The following ATRNL1 variants were observed in gnomAD, a reference collection of about 807,000 sequenced individuals.
The protein encoded by ATRNL1 is attractin-like protein 1.
Under a neutral mutation model 182.7 loss-of-function variants are expected in ATRNL1, and 95 were observed. The observed-to-expected ratio is 0.52, with a 90% CI of 0.44 to 0.62. The LOEUF is 0.62. ATRNL1 is among the 20% of genes least tolerant of loss of function. ATRNL1 has a pLI of 0.00. For missense variants in ATRNL1, 1,471 were observed against 1,679.5 expected, an observed-to-expected ratio of 0.88 and a Z score of 2.17; for synonymous variants, 576 against 568.3, an observed-to-expected ratio of 1.01 and a Z score of -0.19.
At chr10:115,467,667 A>C (rs763538573) in intron 23 of ATRNL1, among the ~76,000 whole-genome samples, 1 of 150,768 alleles carries the variant, frequency 6.6e-6, no homozygotes. Context: ...TACAGTAAAC[A>C]TCTATTATTG....
At chr10:115,357,436 G>GT (rs1856552403) in intron 19 of ATRNL1, among the ~76,000 whole-genome samples, 1 of 151,824 alleles carries the variant, frequency 6.6e-6, no homozygotes, top group Non-Finnish European at 1.5e-5. Flanking sequence ...ATACTAATTA[G>GT]TGATGGTGGA....
intron 20 of ATRNL1, among the ~76,000 whole-genome samples, chr10:115,409,626 G>C (rs1379903007): frequency 6.6e-6 from 1 of 151,914 alleles, no homozygotes; most frequent in Non-Finnish European, 1.5e-5. Flanking sequence ...TGGTGAGAGT[G>C]GTAATTTTTG....
At chr10:115,494,802 T>C (rs1203415018) in intron 24 of ATRNL1, among the ~76,000 whole-genome samples, 2 of 152,212 alleles carry the variant, frequency 1.3e-5, no homozygotes, top group African/African-American at 4.8e-5. Context: ...TGAAGTTTCC[T>C]TTTTTCATTG....
At chr10:115,457,765 G>A (rs1847599013) in intron 21 of ATRNL1, among the ~76,000 whole-genome samples, 3 of 151,884 alleles carry the variant, frequency 2.0e-5, no homozygotes, top group Admixed American at 2.0e-4. Context: ...TGTATATTCA[G>A]TCTTTATGTT....
At chr10:115,411,482 C>A (rs1845138518) in intron 20 of ATRNL1, among the ~76,000 whole-genome samples, 1 of 151,778 alleles carries the variant, frequency 6.6e-6, no homozygotes, top group Non-Finnish European at 1.5e-5. Context: ...ATCTGTTTTC[C>A]ATGAAAGTCC....
intron 25 of ATRNL1, among the ~76,000 whole-genome samples, chr10:115,528,509 C>G (rs1484821201): frequency 6.6e-6 from 1 of 151,420 alleles, no homozygotes; most frequent in Non-Finnish European, 1.5e-5. Flanking sequence ...TTTCAGTTTT[C>G]TTTCTCTTTT....
chr10:115,231,900 C>T (rs1450455099), intron 9 of ATRNL1, among the ~76,000 whole-genome samples: 3 of 152,028 alleles, frequency 2.0e-5, no homozygotes, highest in African/African-American at 7.2e-5. Flanking sequence ...AGTATGAAAT[C>T]ATTTAGGAGG....
chr10:115,606,462 G>T (rs1216233534), intron 26 of ATRNL1, among the ~76,000 whole-genome samples: 3 of 151,972 alleles, frequency 2.0e-5, no homozygotes, highest in African/African-American at 7.2e-5. Flanking sequence ...TCCATTAAGA[G>T]CAAATGTTTA....
At chr10:115,632,820 A>T (rs1181414536) in intron 26 of ATRNL1, among the ~76,000 whole-genome samples, 1 of 150,198 alleles carries the variant, frequency 6.7e-6, no homozygotes, top group Non-Finnish European at 1.5e-5. Flanking sequence ...ACTTTAAAAA[A>T]TGAGTCAATA....
intron 28 of ATRNL1, among the ~76,000 whole-genome samples, chr10:115,868,001 C>T (rs1193914013): frequency 6.6e-6 from 1 of 152,046 alleles, no homozygotes. Context: ...TGGCCTCAAG[C>T]TATCCATCTG....
At chr10:115,894,942 G>A (rs1410009796) in intron 28 of ATRNL1, among the ~76,000 whole-genome samples, 1 of 152,114 alleles carries the variant, frequency 6.6e-6, no homozygotes, top group African/African-American at 2.4e-5. Flanking sequence ...TGTAACTGTG[G>A]TTTCACTCAC....
At chr10:115,308,968 C>CA (rs1554927042) in intron 17 of ATRNL1, among the ~76,000 whole-genome samples, 1 of 152,108 alleles carries the variant, frequency 6.6e-6, no homozygotes, top group African/African-American at 2.4e-5. Context: ...CATTCTTCTA[C>CA]ATATGTTGAT....
chr10:115,820,673 C>T (rs1416659633), intron 27 of ATRNL1, among the ~76,000 whole-genome samples: 13 of 152,062 alleles, frequency 8.5e-5, no homozygotes, highest in Admixed American at 8.5e-4. Context: ...CTAGAGCACC[C>T]CTTCAGATCC....
intron 19 of ATRNL1, among the ~76,000 whole-genome samples, chr10:115,384,922 G>T (rs116217329): frequency 0.012 from 1,767 of 150,496 alleles, 33 homozygotes; most frequent in African/African-American, 0.04. Flanking sequence ...ATCACACCTG[G>T]TTTTTTTCTA....
At chr10:115,153,362 T>C (rs1478742347) in intron 5 of ATRNL1, among the ~76,000 whole-genome samples, 1 of 152,166 alleles carries the variant, frequency 6.6e-6, no homozygotes, top group East Asian at 1.9e-4. Context: ...ATTTTTTGGT[T>C]GGTAAGCTAT....
chr10:115,830,416 A>G (rs769817510), intron 27 of ATRNL1, among the ~76,000 whole-genome samples: 2 of 152,142 alleles, frequency 1.3e-5, no homozygotes, highest in Non-Finnish European at 2.9e-5. Flanking sequence ...TGGCTACAGT[A>G]TCTTGCACAT....
In ATRNL1 at chr10:115,864,974, T is replaced by G. The variant is rs547214228; in HGVS notation, c.4018+16983T>G. On this transcript the variant is annotated intron_variant, in intron 28 of 28. Transcript: ENST00000355044. ...TCCAGCCTGGGCGACAGAGCGAGAC[T>G]CCGTCTAAAAAAAAAAAAAAAAGAA... 3.3e-4 allele frequency among the ~76,000 whole-genome samples: 47 copies of G among 141,852 alleles called. 1 individual carries two copies. The highest frequency in any genetic ancestry group is 6.5e-4 in the Non-Finnish European group (43 of 66,046). The allele number at this position is 141,852 out of a possible 152,430, so 93.1% of individuals were successfully genotyped here. A position where few individuals can be genotyped will look rare whatever the true frequency, so the allele number is the denominator to read the frequency against.
intron 27 of ATRNL1, among the ~76,000 whole-genome samples, chr10:115,733,980 A>T (rs1947876089): frequency 6.6e-6 from 1 of 152,060 alleles, no homozygotes; most frequent in Admixed American, 6.6e-5. Context: ...TTGAGAGCAT[A>T]TTTTATAGTG....
At chr10:115,872,740 A>G (rs1489983480) in intron 28 of ATRNL1, among the ~76,000 whole-genome samples, 1 of 152,244 alleles carries the variant, frequency 6.6e-6, no homozygotes, top group African/African-American at 2.4e-5. Flanking sequence ...AGATACTGTT[A>G]TATCCTGACT....
Sources: gnomAD v4.1 joint callset for allele counts (sites outside exome capture counted in the v4.1 genomes callset) on GRCh38, gnomAD v4.1.1 for gene constraint, MANE v1.5 for transcripts, NCBI Gene and HGNC (gene_info 2026-07-23, HGNC 2026-07-21) for gene names.